The following USP34 variants were observed in gnomAD, a reference collection of about 807,000 sequenced individuals.
The protein encoded by USP34 is ubiquitin carboxyl-terminal hydrolase 34.
USP34 carries 70 observed loss-of-function variants against 460.3 expected under a neutral mutation model. The ratio of observed to expected loss-of-function variants is 0.15; its 90% confidence interval spans 0.13 to 0.19. The LOEUF (loss-of-function observed/expected upper bound fraction) is 0.19, where lower values mean the gene tolerates loss of function less well. Among genes scored for constraint, USP34 ranks in the 10% least tolerant of loss-of-function variants. USP34 has a pLI of 1.00. For missense variants in USP34, 3,985 were observed against 4,236.2 expected (o/e 0.94, Z 1.65); for synonymous variants, 1,647 against 1,405.3 (o/e 1.17, Z -3.85).
In USP34 at chr2:61,370,688, A is replaced by C. The variant is rs183468636; in HGVS notation, c.1077-109T>G. ...AAATTTGTTCCTATAGGAATTATAA[A>C]GAATTAGATACAATCAGTTTTATAG... On this transcript the variant is annotated intron_variant, in intron 8 of 79. Transcript: ENST00000398571. 4.2e-4 allele frequency: 357 copies of C among 845,712 alleles called. No individual in the cohort carries two copies. The African/African-American group carries it at 5.7e-3, about 14-fold the overall frequency. The allele number at this position is 845,712 out of a possible 1,614,324, so 52.4% of individuals were successfully genotyped here. A position where few individuals can be genotyped will look rare whatever the true frequency, so the allele number is the denominator to read the frequency against.
intron 16 of USP34, 127 bp downstream of exon 16, chr2:61,343,688 T>C (rs1691674102): frequency 9.6e-6 from 9 of 937,574 alleles, no homozygotes; most frequent in Non-Finnish European, 1.4e-5. Context: ...AAAACTACCA[T>C]ATGTAAGTTA....
At chr2:61,222,516 G>A in intron 65 of USP34, 103 bp downstream of exon 65, 1 of 858,708 alleles carries the variant, frequency 1.2e-6, no homozygotes, top group South Asian at 1.7e-5. Context: ...TGTTATGGGA[G>A]AAACCCTGAT....
chr2:61,307,564 AAAAAT>A (rs1690452598), intron 27 of USP34, among the ~76,000 whole-genome samples: 1 of 152,114 alleles, frequency 6.6e-6, no homozygotes. Context: ...AATTAAAAAA[AAAAAT>A]AAAGTTCTGA....
intron 5 of USP34, among the ~76,000 whole-genome samples, chr2:61,390,965 C>T (rs1031434264): frequency 6.6e-6 from 1 of 151,744 alleles, no homozygotes; most frequent in Non-Finnish European, 1.5e-5. Context: ...CATGGTGGTG[C>T]GTGCCTGTAG....
At chr2:61,421,368 G>A (rs935565084) in intron 1 of USP34, among the ~76,000 whole-genome samples, 6 of 152,130 alleles carry the variant, frequency 3.9e-5, no homozygotes, top group Non-Finnish European at 7.4e-5. Flanking sequence ...TTCACACGGC[G>A]TTCCTCTTTT....
At chr2:61,335,743 T>C (rs776834222) in intron 18 of USP34, among the ~76,000 whole-genome samples, 22 of 152,130 alleles carry the variant, frequency 1.4e-4, no homozygotes, top group Non-Finnish European at 3.2e-4. Flanking sequence ...AGTGAGACTG[T>C]CTCAAAGAGA....
chr2:61,416,844 A>C, intron 2 of USP34: 1 of 420,926 alleles, frequency 2.4e-6, no homozygotes, highest in East Asian at 4.0e-5. Flanking sequence ...AGGAAGTAGA[A>C]TGTATTGGTA....
At chr2:61,249,155 T>C (rs1324406728) in intron 48 of USP34, among the ~76,000 whole-genome samples, 2 of 152,218 alleles carry the variant, frequency 1.3e-5, no homozygotes, top group East Asian at 1.9e-4. Flanking sequence ...AGCAACCTCA[T>C]CGTATGATTT....
chr2:61,417,016 C>T (rs1694217165), intron 2 of USP34: 4 of 1,326,428 alleles, frequency 3.0e-6, no homozygotes, highest in Non-Finnish European at 4.3e-6. Flanking sequence ...GGTGAAGCCC[C>T]ACTTCTTCCA....
chr2:61,228,756 A>G, intron 60 of USP34, 37 bp from the exon 61 acceptor site: 1 of 1,596,734 alleles, frequency 6.3e-7, no homozygotes, highest in East Asian at 2.2e-5. Context: ...AAAATATAAA[A>G]TAAAAGCAAT....
At chr2:61,263,211 G>A (rs1046370339) in intron 43 of USP34, among the ~76,000 whole-genome samples, 6 of 123,556 alleles carry the variant, frequency 4.9e-5, no homozygotes, top group Admixed American at 9.6e-5. Context: ...GAGAAGTCTC[G>A]CTCTTGTCCC....
At chr2:61,413,165 G>T (rs1244401248) in intron 2 of USP34, among the ~76,000 whole-genome samples, 4 of 152,076 alleles carry the variant, frequency 2.6e-5, no homozygotes, top group Non-Finnish European at 5.9e-5. Context: ...GAAGGCTGAG[G>T]CGGGCAGATC....
rs189050780 is a variant in USP34, at chr2:61,267,976, G to A, written c.5434-1809C>T. Among the ~76,000 whole-genome samples, 443 of 151,094 alleles carry A rather than the reference G, an allele frequency of 2.9e-3. 1 individual carries two copies. Among genetic ancestry groups the A allele is most frequent in the African/African-American group, 9.8e-3 (402 of 41,190 alleles). On this transcript the variant is annotated intron_variant, in intron 41 of 79. Coordinates refer to ENST00000398571, the MANE Select transcript of USP34 (RefSeq NM_014709.4). ...TCACGATGTTGGCCAGGCTGGTCTC[G>A]GCCTCCTGACCTTGTGATTCGCCAG...
At position 61,429,832 on chromosome 2, in the gene USP34, C is replaced by T. The variant is rs907214410; in HGVS notation, c.44-8999G>A. ...ATCCCAGCACTTTGGGAGGCCGAGG[C>T]GGGCAGATCACCTGAGGTCAGGAGT... On this transcript the variant is annotated intron_variant, in intron 1 of 79. Transcript: ENST00000398571. Among the ~76,000 whole-genome samples the T allele has an allele frequency of 1.4e-4, 22 of 152,232 alleles. No individual in the cohort carries two copies. In the East Asian group the frequency reaches 2.5e-3, roughly 17 times the overall value.
chr2:61,469,388 G>A (rs1695880126), intron 1 of USP34, among the ~76,000 whole-genome samples: 2 of 151,992 alleles, frequency 1.3e-5, no homozygotes, highest in Non-Finnish European at 2.9e-5. Context: ...AACCGCCTGC[G>A]CCAGAAATAA....
At chr2:61,445,222 TAAAAAAAAAAAAAAA>T (rs57854651) in intron 1 of USP34, among the ~76,000 whole-genome samples, 1 of 40,656 alleles carries the variant, frequency 2.5e-5, no homozygotes, top group African/African-American at 1.1e-4. Context: ...AGAACCACAC[TAAAAAAAAAAAAAAA>T]AAAAAAAAAA....
intron 10 of USP34, among the ~76,000 whole-genome samples, chr2:61,353,573 TTG>T (rs869127243): frequency 1.7e-4 from 21 of 125,172 alleles, no homozygotes; most frequent in East Asian, 8.8e-4. Context: ...GTTTTTGTTT[TTG>T]TTTTTTTTGT....
chr2:61,213,154 T>C (rs1420661837), intron 68 of USP34, among the ~76,000 whole-genome samples: 1 of 152,110 alleles, frequency 6.6e-6, no homozygotes, highest in Non-Finnish European at 1.5e-5. Flanking sequence ...CAGCTGCGAC[T>C]ATAGGTGCAC....
intron 3 of USP34, among the ~76,000 whole-genome samples, chr2:61,396,491 AT>A (rs5831608): frequency 0.89 from 129,241 of 145,664 alleles, 57,460 homozygotes; most frequent in African/African-American, 0.96. Context: ...ATTCCAGCTA[AT>A]TTTTTTTTTT....
Sources: allele counts gnomAD v4.1 joint callset (sites outside exome capture counted in the v4.1 genomes callset), GRCh38; gene constraint gnomAD v4.1.1; transcripts MANE v1.5; gene names NCBI Gene and HGNC (gene_info 2026-07-23, HGNC 2026-07-21).